BBS9: variants seen among roughly 807,000 people sequenced by gnomAD.
BBS9 encodes the protein Bardet-Biedl syndrome 9.
A neutral mutation model predicts 117.7 loss-of-function variants in BBS9; 89 were observed. The observed-to-expected ratio is 0.76, with a 90% confidence interval of 0.64 to 0.90. The LOEUF (loss-of-function observed/expected upper bound fraction) is 0.90, where lower values mean the gene tolerates loss of function less well. Ranked by LOEUF, BBS9 falls within the 40% of genes least tolerant of loss-of-function variation. The pLI, the probability that BBS9 is intolerant of heterozygous loss-of-function variation, is 0.00. For synonymous variants in BBS9, 379 were observed against 370.9 expected (o/e 1.02, Z -0.25); for missense variants, 982 against 1,042.2 (o/e 0.94, Z 0.80).
At chr7:33,466,114 A>G (rs777727237) in intron 19 of BBS9, among the ~76,000 whole-genome samples, 24 of 152,270 alleles carry the variant, frequency 1.6e-4, no homozygotes, top group Middle Eastern at 3.4e-3. Flanking sequence ...CCATCAAACT[A>G]GTTAACATAT....
At chr7:33,603,705 T>C (rs1864157514) in intron 21 of BBS9, among the ~76,000 whole-genome samples, 1 of 152,164 alleles carries the variant, frequency 6.6e-6, no homozygotes, top group Non-Finnish European at 1.5e-5. Flanking sequence ...TTTTCGGGTA[T>C]GGCTGGGCAA....
In BBS9 at chr7:33,534,176, G is replaced by C. The variant is rs1413887557; in HGVS notation, c.2521G>C (p.Gly841Arg). 4 of 1,613,600 alleles carry C rather than the reference G, an allele frequency of 2.5e-6. No homozygotes were observed. The highest frequency in any genetic ancestry group is 3.3e-5 in the Admixed American group (2 of 59,992). Residue 841 changes from glycine (G) to arginine (R), a missense_variant and splice_region_variant, in exon 21 of 23, where the codon GGT (glycine) becomes CGT (arginine). By Grantham distance (125) the Gly-to-Arg change is moderately radical. Transcript: ENST00000242067. ...AGCCCCACAGACCATGGTCATGCCAGGTAAGAGCTCTGTCCATGCTCCCTA... is the reference window on the plus strand; with the variant it reads ...AGCCCCACAGACCATGGTCATGCCACGTAAGAGCTCTGTCCATGCTCCCTA... ...AAAPQTMVMPGGCTTIPESDL... is the reference protein window; with the variant it reads ...AAAPQTMVMPRGCTTIPESDL...
chr7:33,460,930 TTCTC>T (rs1839375884), intron 19 of BBS9, among the ~76,000 whole-genome samples: 1 of 152,038 alleles, frequency 6.6e-6, no homozygotes, highest in Non-Finnish European at 1.5e-5. Context: ...CCAGTCTGAG[TTCTC>T]TCTCTATGGA....
At chr7:33,615,121 C>T (rs1414378976) in intron 21 of BBS9, among the ~76,000 whole-genome samples, 2 of 151,938 alleles carry the variant, frequency 1.3e-5, no homozygotes, top group East Asian at 1.9e-4. Flanking sequence ...CTCCCCTGCC[C>T]CACAACCTTA....
chr7:33,233,576 T>C (rs563930536), intron 5 of BBS9, among the ~76,000 whole-genome samples: 35 of 152,294 alleles, frequency 2.3e-4, no homozygotes, highest in Admixed American at 2.1e-3. Flanking sequence ...GCATTTTTTT[T>C]CTTATAAAAG....
intron 21 of BBS9, among the ~76,000 whole-genome samples, chr7:33,583,288 C>T (rs1467071036): frequency 6.6e-6 from 1 of 151,946 alleles, no homozygotes; most frequent in Admixed American, 6.6e-5. Flanking sequence ...ATTGTTGCAT[C>T]AGCTTACATG....
At chr7:33,470,662 ATACT>A (rs1418253746) in intron 19 of BBS9, among the ~76,000 whole-genome samples, 1 of 152,194 alleles carries the variant, frequency 6.6e-6, no homozygotes, top group Non-Finnish European at 1.5e-5. Context: ...GAGGCAGAAA[ATACT>A]TAGTGCCTGC....
chr7:33,288,275 G>A (rs915213360), intron 9 of BBS9, among the ~76,000 whole-genome samples: 2 of 152,028 alleles, frequency 1.3e-5, no homozygotes, highest in African/African-American at 2.4e-5. Flanking sequence ...TTCTTCTTTT[G>A]CTTATTAAAC....
intron 19 of BBS9, among the ~76,000 whole-genome samples, chr7:33,461,588 T>A (rs1176588831): frequency 6.6e-6 from 1 of 151,924 alleles, no homozygotes; most frequent in Admixed American, 6.6e-5. Flanking sequence ...CAACTAGCTC[T>A]TCCCTAAGAT....
chr7:33,478,198 T>G (rs1279463778), intron 19 of BBS9, among the ~76,000 whole-genome samples: 1 of 152,168 alleles, frequency 6.6e-6, no homozygotes, highest in Admixed American at 6.5e-5. Context: ...GGTCAAAGAC[T>G]CCAGTGGGAT....
Position 33,443,669 on chromosome 7 carries a change from A to G in BBS9, c.2115+55525A>G, listed in dbSNP as rs114086511. ...GATGAAAATAACTTGTTGATCTTCTATTGTACCTGTAAGAAGTTCATCTTG... is the reference window on the plus strand; with the variant it reads ...GATGAAAATAACTTGTTGATCTTCTGTTGTACCTGTAAGAAGTTCATCTTG... On this transcript the variant is annotated intron_variant, in intron 19 of 22. Transcript: ENST00000242067. Among the ~76,000 whole-genome samples the G allele has an allele frequency of 5.9e-3, 906 of 152,314 alleles. 6 individuals are homozygous for G. The highest frequency in any genetic ancestry group is 0.017 in the Middle Eastern group (5 of 294).
intron 18 of BBS9, 108 bp downstream of exon 18, chr7:33,383,946 T>C (rs2128749050): frequency 8.4e-7 from 1 of 1,186,124 alleles, no homozygotes; most frequent in East Asian, 2.5e-5. Context: ...GTGCTTCTAG[T>C]TGTTTTTCTT....
intron 19 of BBS9, among the ~76,000 whole-genome samples, chr7:33,417,847 G>A (rs1832256978): frequency 6.6e-6 from 1 of 152,164 alleles, no homozygotes; most frequent in South Asian, 2.1e-4. Flanking sequence ...ATCAGGTAAT[G>A]AGGAGAGATA....
chr7:33,403,632 A>T (rs1829360915), intron 19 of BBS9, among the ~76,000 whole-genome samples: 1 of 151,750 alleles, frequency 6.6e-6, no homozygotes, highest in East Asian at 1.9e-4. Flanking sequence ...ATGTCCCTAC[A>T]AAGGACATGA....
intron 21 of BBS9, among the ~76,000 whole-genome samples, chr7:33,611,566 G>A (rs1199995723): frequency 4.6e-5 from 6 of 131,522 alleles, no homozygotes; most frequent in South Asian, 4.5e-4. Context: ...TATATTATAT[G>A]TAATATATAA....
chr7:33,291,960 T>C lies in BBS9; in HGVS notation c.1016+18004T>C, dbSNP rs182536592. Among the ~76,000 whole-genome samples the C allele has an allele frequency of 3.9e-3, 591 of 152,280 alleles. 4 individuals carry two copies. Among genetic ancestry groups the C allele is most frequent in the African/African-American group, 0.014 (569 of 41,550 alleles). ...GAACTACCTTCTCCAGCTGAAGTTTTCTCCAGGGAATTGGCTTATAGAAAG... is the reference window on the plus strand; with the variant it reads ...GAACTACCTTCTCCAGCTGAAGTTTCCTCCAGGGAATTGGCTTATAGAAAG... On this transcript the variant is annotated intron_variant, in intron 9 of 22. Coordinates refer to ENST00000242067, the MANE Select transcript of BBS9 (RefSeq NM_198428.3).
At chr7:33,135,747 T>G (rs1353411770) in intron 1 of BBS9, among the ~76,000 whole-genome samples, 1 of 152,218 alleles carries the variant, frequency 6.6e-6, no homozygotes, top group East Asian at 1.9e-4. Context: ...GGGATTGCAT[T>G]GAATCTGTAG....
At chr7:33,595,962 G>T (rs939761640) in intron 21 of BBS9, among the ~76,000 whole-genome samples, 1 of 151,976 alleles carries the variant, frequency 6.6e-6, no homozygotes, top group Non-Finnish European at 1.5e-5. Flanking sequence ...ATAAGTGGGA[G>T]TGGAACAGTG....
At chr7:33,397,450 G>A (rs1013846543) in intron 19 of BBS9, among the ~76,000 whole-genome samples, 22 of 152,056 alleles carry the variant, frequency 1.4e-4, no homozygotes, top group African/African-American at 4.1e-4. Context: ...CCATTTGACC[G>A]AGCAATCCCA....
Sources: gnomAD v4.1 joint callset for allele counts (sites outside exome capture counted in the v4.1 genomes callset) on GRCh38, gnomAD v4.1.1 for gene constraint, MANE v1.5 for transcripts, NCBI Gene and HGNC (gene_info 2026-07-23, HGNC 2026-07-21) for gene names.